Variants in NAALADL2 observed in about 807,000 individuals in gnomAD.
NAALADL2 encodes N-acetylated alpha-linked acidic dipeptidase like 2, also known as inactive N-acetylated-alpha-linked acidic dipeptidase-like protein 2.
Under a neutral mutation model 87.2 loss-of-function variants are expected in NAALADL2, and 76 were observed. That is an observed-to-expected ratio of 0.87 (90% CI 0.72 to 1.05). The LOEUF (loss-of-function observed/expected upper bound fraction) is 1.05, where lower values mean the gene tolerates loss of function less well. Ranked by LOEUF, NAALADL2 falls within the 50% of genes least tolerant of loss-of-function variation. NAALADL2 has a pLI of 0.00. For missense variants in NAALADL2, 1,089 were observed against 945.8 expected (o/e 1.15, Z -1.99); for synonymous variants, 354 against 331.0 (o/e 1.07, Z -0.75).
chr3:174,928,477 G>A (rs996324773), intron 1 of NAALADL2, among the ~76,000 whole-genome samples: 2 of 151,982 alleles, frequency 1.3e-5, no homozygotes, highest in African/African-American at 4.8e-5. Flanking sequence ...CCTGACCTCT[G>A]GATTCACCCG....
chr3:174,986,150 T>C (rs1157720887), intron 1 of NAALADL2, among the ~76,000 whole-genome samples: 1 of 151,430 alleles, frequency 6.6e-6, no homozygotes, highest in Admixed American at 6.6e-5. Flanking sequence ...AGATTGCACC[T>C]CTCTGCATCA....
At chr3:174,551,256 A>C (rs978459232) in intron 2 of NAALADL2, 2 of 152,094 alleles carry the variant, frequency 1.3e-5, no homozygotes, top group Non-Finnish European at 2.9e-5. Context: ...TTGGTGCTTT[A>C]TTTGATACTA....
chr3:175,422,690 T>C (rs1013805989), intron 5 of NAALADL2, among the ~76,000 whole-genome samples: 2 of 152,070 alleles, frequency 1.3e-5, no homozygotes, highest in Non-Finnish European at 2.9e-5. Context: ...TTTAGCTTTT[T>C]ATAAAGCTGA....
At chr3:175,528,913 C>T (rs1025496011) in intron 9 of NAALADL2, among the ~76,000 whole-genome samples, 5 of 152,174 alleles carry the variant, frequency 3.3e-5, no homozygotes, top group South Asian at 2.1e-4. Flanking sequence ...CATCTGGTCA[C>T]GTGGTTGTAG....
chr3:174,995,092 A>C (rs1747255416), intron 1 of NAALADL2, among the ~76,000 whole-genome samples: 1 of 152,126 alleles, frequency 6.6e-6, no homozygotes, highest in African/African-American at 2.4e-5. Context: ...AGACAGTAAA[A>C]AGGCAGAAGA....
chr3:174,786,467 T>TA (rs563901178), intron 3 of NAALADL2, among the ~76,000 whole-genome samples: 15,682 of 122,826 alleles, frequency 0.13, 925 homozygotes, highest in Middle Eastern at 0.21. Context: ...AAAAAAAAAA[T>TA]AATAAATAAA....
intron 5 of NAALADL2, among the ~76,000 whole-genome samples, chr3:175,331,875 A>C (rs534105120): frequency 8.8e-4 from 134 of 152,342 alleles, no homozygotes; most frequent in African/African-American, 2.8e-3. Context: ...TAGATCTGAT[A>C]AATTCAGTAG....
chr3:175,353,132 G>A (rs1763965149), intron 5 of NAALADL2, among the ~76,000 whole-genome samples: 1 of 135,490 alleles, frequency 7.4e-6, no homozygotes, highest in Admixed American at 6.9e-5. Flanking sequence ...GTGTGTGTGT[G>A]TGTGTGTTTG....
At chr3:174,511,881 C>T (rs939749665) in intron 1 of NAALADL2, among the ~76,000 whole-genome samples, 3 of 152,028 alleles carry the variant, frequency 2.0e-5, no homozygotes, top group Admixed American at 1.3e-4. Context: ...AGTTTACCAC[C>T]GAATAATGTT....
At chr3:174,488,136 T>G (rs932696287) in intron 1 of NAALADL2, among the ~76,000 whole-genome samples, 8 of 152,160 alleles carry the variant, frequency 5.3e-5, no homozygotes, top group Non-Finnish European at 1.0e-4. Flanking sequence ...AATATTATCA[T>G]TCTCCTGCCT....
chr3:174,521,004 TA>T (rs538580463), intron 1 of NAALADL2, among the ~76,000 whole-genome samples: 3 of 151,222 alleles, frequency 2.0e-5, no homozygotes, highest in African/African-American at 7.3e-5. Context: ...TATTAAAAAA[TA>T]AAAAAAACAG....
At chr3:175,134,861 A>G (rs1225397714) in intron 2 of NAALADL2, among the ~76,000 whole-genome samples, 1 of 152,188 alleles carries the variant, frequency 6.6e-6, no homozygotes, top group East Asian at 1.9e-4. Context: ...ATGCCTTTAA[A>G]TTTTATCAGA....
intron 1 of NAALADL2, among the ~76,000 whole-genome samples, chr3:175,093,042 A>C (rs1720439388): frequency 6.6e-6 from 1 of 152,002 alleles, no homozygotes; most frequent in South Asian, 2.1e-4. Context: ...TTATTCATGC[A>C]GATTATAAAA....
At chr3:175,570,043 T>C (rs1212455921) in intron 9 of NAALADL2, among the ~76,000 whole-genome samples, 2 of 152,178 alleles carry the variant, frequency 1.3e-5, no homozygotes, top group South Asian at 2.1e-4. Context: ...AATAGTGTAG[T>C]GCTTGTCTGA....
At chr3:175,779,941 A>G (rs1288847210) in intron 13 of NAALADL2, among the ~76,000 whole-genome samples, 1 of 152,134 alleles carries the variant, frequency 6.6e-6, no homozygotes, top group Non-Finnish European at 1.5e-5. Flanking sequence ...GTTCTGTTAC[A>G]TGATTTGAGG....
intron 3 of NAALADL2, among the ~76,000 whole-genome samples, chr3:174,814,761 A>C (rs1430683819): frequency 6.6e-6 from 1 of 152,194 alleles, no homozygotes; most frequent in Non-Finnish European, 1.5e-5. Flanking sequence ...ATTTGTTTAC[A>C]TATAAACCAC....
At chr3:175,028,893 T>C (rs1254461169) in intron 1 of NAALADL2, among the ~76,000 whole-genome samples, 1 of 151,742 alleles carries the variant, frequency 6.6e-6, no homozygotes, top group Non-Finnish European at 1.5e-5. Context: ...TTCTTTGTAC[T>C]TAATTTCAAA....
At chr3:175,284,994 T>C (rs1175360325) in intron 4 of NAALADL2, among the ~76,000 whole-genome samples, 2 of 152,144 alleles carry the variant, frequency 1.3e-5, no homozygotes, top group Admixed American at 6.6e-5. Flanking sequence ...GTAACTCCAT[T>C]AACTCCAGCT....
chr3:174,806,653 G>C (rs989385846), intron 3 of NAALADL2, among the ~76,000 whole-genome samples: 2 of 152,168 alleles, frequency 1.3e-5, no homozygotes, highest in African/African-American at 4.8e-5. Flanking sequence ...TAATTACCTG[G>C]AATGTGATTC....
Sources: gnomAD v4.1 joint callset for allele counts (sites outside exome capture counted in the v4.1 genomes callset) on GRCh38, gnomAD v4.1.1 for gene constraint, MANE v1.5 for transcripts, NCBI Gene and HGNC (gene_info 2026-07-23, HGNC 2026-07-21) for gene names.